The following CNTNAP2 variants were observed in gnomAD, a reference collection of about 807,000 sequenced individuals.
The protein encoded by CNTNAP2 is contactin-associated protein-like 2.
CNTNAP2 carries 98 observed loss-of-function variants against 155.2 expected under a neutral mutation model. The ratio of observed to expected loss-of-function variants is 0.63; its 90% CI spans 0.54 to 0.75. The LOEUF is 0.75. Ranked by LOEUF, CNTNAP2 falls within the 30% of genes least tolerant of loss-of-function variation. CNTNAP2 has a pLI of 0.00. For missense variants in CNTNAP2, 1,727 were observed against 1,688.1 expected (o/e 1.02, Z -0.40); for synonymous variants, 651 against 631.2 (o/e 1.03, Z -0.47).
chr7:146,350,347 C>A (rs1387785652), intron 1 of CNTNAP2, among the ~76,000 whole-genome samples: 1 of 151,978 alleles, frequency 6.6e-6, no homozygotes, highest in African/African-American at 2.4e-5. Flanking sequence ...AAACAAACAA[C>A]CCCATCAAAA....
At chr7:146,214,682 T>C (rs1447580600) in intron 1 of CNTNAP2, among the ~76,000 whole-genome samples, 2 of 152,214 alleles carry the variant, frequency 1.3e-5, no homozygotes, top group African/African-American at 4.8e-5. Flanking sequence ...CTTCAATCTA[T>C]AATGGTTTAT....
chr7:146,204,332 C>T (rs940583405), intron 1 of CNTNAP2, among the ~76,000 whole-genome samples: 1 of 152,096 alleles, frequency 6.6e-6, no homozygotes, highest in Non-Finnish European at 1.5e-5. Context: ...AGCACTGAAA[C>T]TTGTTCTTAA....
At chr7:146,482,018 C>A (rs1431134421) in intron 1 of CNTNAP2, among the ~76,000 whole-genome samples, 1 of 151,824 alleles carries the variant, frequency 6.6e-6, no homozygotes, top group African/African-American at 2.4e-5. Context: ...ATATAAAGCT[C>A]AACTTACTAG....
At chr7:146,373,817 A>G (rs994227879) in intron 1 of CNTNAP2, among the ~76,000 whole-genome samples, 3 of 152,216 alleles carry the variant, frequency 2.0e-5, no homozygotes, top group Non-Finnish European at 4.4e-5. Context: ...AAAAGGTCAT[A>G]TACACGTTAT....
At chr7:147,318,405 G>A (rs969418740) in intron 9 of CNTNAP2, among the ~76,000 whole-genome samples, 38 of 152,186 alleles carry the variant, frequency 2.5e-4, no homozygotes, top group African/African-American at 8.9e-4. Flanking sequence ...CTGCACTCCA[G>A]CCTGGAGAAC....
At chr7:146,778,516 G>C (rs1396287571) in intron 2 of CNTNAP2, among the ~76,000 whole-genome samples, 1 of 152,090 alleles carries the variant, frequency 6.6e-6, no homozygotes, top group Non-Finnish European at 1.5e-5. Flanking sequence ...TGTGATCTGT[G>C]TTCTGATTTA....
chr7:147,949,905 A>G (rs1800896440), intron 14 of CNTNAP2, among the ~76,000 whole-genome samples: 3 of 152,192 alleles, frequency 2.0e-5, no homozygotes, highest in African/African-American at 4.8e-5. Context: ...AAATAAGAAG[A>G]GGCTATGATT....
chr7:146,735,379 T>C (rs1034642553), intron 1 of CNTNAP2, among the ~76,000 whole-genome samples: 2 of 152,044 alleles, frequency 1.3e-5, no homozygotes, highest in South Asian at 2.1e-4. Context: ...GGTGAAACCC[T>C]GTCTCTACTA....
chr7:147,032,363 A>G (rs1432868552), intron 3 of CNTNAP2, among the ~76,000 whole-genome samples: 1 of 152,220 alleles, frequency 6.6e-6, no homozygotes, highest in African/African-American at 2.4e-5. Flanking sequence ...TCTCTTGGAC[A>G]CTAAGGTTAA....
intron 1 of CNTNAP2, among the ~76,000 whole-genome samples, chr7:146,334,924 T>C (rs575344266): frequency 6.6e-6 from 1 of 152,304 alleles, no homozygotes; most frequent in African/African-American, 2.4e-5. Flanking sequence ...GCAGGCAAAA[T>C]GTTATACAGT....
At chr7:147,817,496 G>C (rs182228945) in intron 13 of CNTNAP2, among the ~76,000 whole-genome samples, 10 of 152,298 alleles carry the variant, frequency 6.6e-5, no homozygotes, top group Admixed American at 2.0e-4. Context: ...ATATGGCGCA[G>C]TGTATATTGC....
At chr7:146,933,169 G>C (rs60745255) in intron 3 of CNTNAP2, among the ~76,000 whole-genome samples, 2 of 150,762 alleles carry the variant, frequency 1.3e-5, no homozygotes, top group East Asian at 1.9e-4. Context: ...GAGGCATCAC[G>C]CTACCTGACT....
chr7:146,183,182 C>T (rs1252960463), intron 1 of CNTNAP2, among the ~76,000 whole-genome samples: 1 of 152,024 alleles, frequency 6.6e-6, no homozygotes, highest in Non-Finnish European at 1.5e-5. Flanking sequence ...TCTGTTATTA[C>T]CTCCCACCAG....
At chr7:146,163,220 A>G (rs982569848) in intron 1 of CNTNAP2, among the ~76,000 whole-genome samples, 5 of 151,850 alleles carry the variant, frequency 3.3e-5, no homozygotes, top group Non-Finnish European at 7.4e-5. Flanking sequence ...ATCAGTGACA[A>G]TTTTCTAGTA....
rs187416162 is a variant in CNTNAP2 at position 147,599,697 on chromosome 7, C to T, written c.1897+37440C>T. On this transcript the variant is annotated intron_variant, in intron 12 of 23. Transcript: ENST00000361727. ...CTTTGGCATGTCACTGCATCCCTCC[C>T]GTCTCTGTCTTGTCATCACATGGTA... Among the ~76,000 whole-genome samples, 385 of 152,160 alleles carry T rather than the reference C, an allele frequency of 2.5e-3. 2 individuals are homozygous for T. The highest frequency in any genetic ancestry group is 8.5e-3 in the African/African-American group (355 of 41,526).
intron 1 of CNTNAP2, among the ~76,000 whole-genome samples, chr7:146,313,416 A>G (rs1800859631): frequency 6.6e-6 from 1 of 152,098 alleles, no homozygotes; most frequent in South Asian, 2.1e-4. Flanking sequence ...TTTTCTTGTC[A>G]TGAGTTAAAT....
At chr7:147,624,766 A>G (rs1409732322) in intron 12 of CNTNAP2, among the ~76,000 whole-genome samples, 1 of 152,192 alleles carries the variant, frequency 6.6e-6, no homozygotes, top group Non-Finnish European at 1.5e-5. Flanking sequence ...TATATACACA[A>G]AAGAATGGAA....
chr7:147,309,107 C>G (rs1294195806), intron 9 of CNTNAP2, among the ~76,000 whole-genome samples: 1 of 152,100 alleles, frequency 6.6e-6, no homozygotes, highest in South Asian at 2.1e-4. Context: ...ATCAGTGTTC[C>G]AACAATACTA....
intron 12 of CNTNAP2, among the ~76,000 whole-genome samples, chr7:147,606,908 T>C (rs952191500): frequency 8.7e-5 from 9 of 103,946 alleles, no homozygotes; most frequent in Admixed American, 4.4e-4. Context: ...GGCACTTGAA[T>C]ATTTTGATAA....
Sources: gnomAD v4.1 joint callset for allele counts (sites outside exome capture counted in the v4.1 genomes callset) on GRCh38, gnomAD v4.1.1 for gene constraint, MANE v1.5 for transcripts, NCBI Gene and HGNC (gene_info 2026-07-23, HGNC 2026-07-21) for gene names.